Variants in COL21A1 observed in about 807,000 individuals in gnomAD.
The protein encoded by COL21A1 is collagen type XXI alpha 1 chain.
COL21A1 carries 149 observed loss-of-function variants against 137.9 expected under a neutral mutation model. The observed-to-expected ratio is 1.08, with a 90% CI of 0.95 to 1.24. COL21A1 has a LOEUF of 1.24. Ranked by LOEUF, COL21A1 falls within the 50% of genes most tolerant of loss-of-function variation. The probability of loss-of-function intolerance (pLI) is 0.00; values close to 1 mark genes in which losing one functional copy is unlikely to be tolerated. For synonymous variants in COL21A1, 456 were observed against 391.5 expected (o/e 1.16, Z -1.95); for missense variants, 1,167 against 1,158.4 (o/e 1.01, Z -0.11).
chr6:56,278,745 G>A (rs1231993143), intron 1 of COL21A1, among the ~76,000 whole-genome samples: 7 of 152,160 alleles, frequency 4.6e-5, no homozygotes, highest in Admixed American at 2.0e-4. Context: ...ATGTCACACC[G>A]ATTGGTGGTG....
At chr6:56,323,543 C>G (rs958235262) in intron 1 of COL21A1, among the ~76,000 whole-genome samples, 1 of 152,112 alleles carries the variant, frequency 6.6e-6, no homozygotes, top group Non-Finnish European at 1.5e-5. Flanking sequence ...GTGCACACCA[C>G]TGTGCCCAGA....
intron 17 of COL21A1, among the ~76,000 whole-genome samples, chr6:56,089,532 T>C (rs897740387): frequency 6.6e-6 from 1 of 152,204 alleles, no homozygotes; most frequent in African/African-American, 2.4e-5. Flanking sequence ...TTTTTCACTA[T>C]ATGTATTGAA....
chr6:56,158,643 T>C (rs895614437), intron 9 of COL21A1, among the ~76,000 whole-genome samples: 39 of 152,030 alleles, frequency 2.6e-4, no homozygotes, highest in African/African-American at 8.9e-4. Context: ...AGGGTACTAT[T>C]ACAGAGCCAA....
chr6:56,232,505 CA>C (rs961459437), intron 1 of COL21A1, among the ~76,000 whole-genome samples: 1 of 151,814 alleles, frequency 6.6e-6, no homozygotes, highest in African/African-American at 2.4e-5. Context: ...GCAGGAGATT[CA>C]TGAGGTGGGA....
intron 1 of COL21A1, among the ~76,000 whole-genome samples, chr6:56,241,167 C>T (rs1345102904): frequency 3.3e-5 from 5 of 152,140 alleles, no homozygotes; most frequent in East Asian, 1.9e-4. Flanking sequence ...GATATTTGAA[C>T]GCAAGGCCTT....
intron 1 of COL21A1, among the ~76,000 whole-genome samples, chr6:56,350,388 A>T (rs537211769): frequency 2.6e-5 from 4 of 152,338 alleles, no homozygotes; most frequent in Non-Finnish European, 5.9e-5. Flanking sequence ...TGGCCTCCAG[A>T]AGAATGTTAG....
intron 1 of COL21A1, among the ~76,000 whole-genome samples, chr6:56,321,026 G>C: frequency 6.6e-6 from 1 of 152,102 alleles, no homozygotes; most frequent in African/African-American, 2.4e-5. Flanking sequence ...TTTCACTGAT[G>C]AAAAAAACAA....
intron 1 of COL21A1, among the ~76,000 whole-genome samples, chr6:56,236,754 T>C (rs185798001): frequency 8.5e-5 from 13 of 152,200 alleles, no homozygotes; most frequent in Admixed American, 7.9e-4. Context: ...GCAATCTGGC[T>C]ATGGCTTGCC....
At chr6:56,125,457 G>T (rs1173079058) in intron 14 of COL21A1, 110 bp downstream of exon 14, 2 of 659,906 alleles carry the variant, frequency 3.0e-6, no homozygotes, top group Non-Finnish European at 5.0e-6. Flanking sequence ...CCTAAGAAGG[G>T]TGAACAGAGC....
Position 56,140,022 on chromosome 6 carries a change from T to C in COL21A1, c.1542+1763A>G, listed in dbSNP as rs545279886. Among the ~76,000 whole-genome samples, 37 of 152,302 alleles carry C rather than the reference T, an allele frequency of 2.4e-4. 1 individual carries two copies. The South Asian group carries it at 4.1e-3, about 17-fold the overall frequency. On this transcript the variant is annotated intron_variant, in intron 12 of 29. Coordinates refer to ENST00000244728, the MANE Select transcript of COL21A1 (RefSeq NM_030820.4). The stretch of plus-strand genomic sequence containing the variant: ...GATAGGTTAAAAAATAAATTACTCA[T>C]ACTTCCTACATCTGTAAAATTGAAT...
intron 1 of COL21A1, among the ~76,000 whole-genome samples, chr6:56,191,619 C>T (rs1448851846): frequency 6.8e-6 from 1 of 147,956 alleles, no homozygotes; most frequent in African/African-American, 2.5e-5. Flanking sequence ...TCCAGAGAGC[C>T]AAATCATGAG....
At chr6:56,264,659 T>C (rs1205937071) in intron 1 of COL21A1, among the ~76,000 whole-genome samples, 1 of 152,204 alleles carries the variant, frequency 6.6e-6, no homozygotes, top group Non-Finnish European at 1.5e-5. Flanking sequence ...CCACCTATAA[T>C]TCAACATATC....
chr6:56,102,193 ACTT>A (rs1309891486), intron 16 of COL21A1, among the ~76,000 whole-genome samples: 7 of 152,184 alleles, frequency 4.6e-5, no homozygotes, highest in Admixed American at 4.6e-4. Context: ...TGTATCTGAC[ACTT>A]CTTCTACTAA....
intron 1 of COL21A1, among the ~76,000 whole-genome samples, chr6:56,372,050 T>G (rs2093990270): frequency 6.6e-6 from 1 of 152,174 alleles, no homozygotes; most frequent in South Asian, 2.1e-4. Context: ...AGCTCCAAGA[T>G]GTTTATTCCC....
chr6:56,118,999 C>T (rs905665394), intron 16 of COL21A1, among the ~76,000 whole-genome samples: 1 of 152,106 alleles, frequency 6.6e-6, no homozygotes, highest in Non-Finnish European at 1.5e-5. Context: ...AAAATAAAAG[C>T]CTTTCCTGTA....
intron 16 of COL21A1, among the ~76,000 whole-genome samples, chr6:56,121,790 A>G (rs1041400333): frequency 1.3e-5 from 2 of 151,856 alleles, no homozygotes; most frequent in African/African-American, 2.4e-5. Context: ...CAATTTTGCT[A>G]TAAACCTAAA....
intron 19 of COL21A1, 68 bp from the exon 20 acceptor site, chr6:56,074,353 C>T: frequency 2.0e-6 from 2 of 1,004,448 alleles, no homozygotes; most frequent in South Asian, 1.6e-5. Flanking sequence ...AAATCAATTT[C>T]CAAGTTACAC....
chr6:56,372,962 G>A (rs2093992608), intron 1 of COL21A1, among the ~76,000 whole-genome samples: 2 of 152,160 alleles, frequency 1.3e-5, no homozygotes, highest in African/African-American at 4.8e-5. Context: ...TTGCAGCTGG[G>A]GATCTGGCAT....
intron 1 of COL21A1, among the ~76,000 whole-genome samples, chr6:56,215,390 C>T (rs930321018): frequency 2.6e-5 from 4 of 152,070 alleles, no homozygotes; most frequent in Non-Finnish European, 5.9e-5. Context: ...TCATACACTA[C>T]TTGCAGAAGG....
Sources: allele counts gnomAD v4.1 joint callset (sites outside exome capture counted in the v4.1 genomes callset), GRCh38; gene constraint gnomAD v4.1.1; transcripts MANE v1.5; gene names NCBI Gene and HGNC (gene_info 2026-07-23, HGNC 2026-07-21).